PHACTR1: variants seen among roughly 807,000 people sequenced by gnomAD.
PHACTR1 encodes the protein phosphatase and actin regulator 1, also known as RPEL repeat containing 1.
In PHACTR1, 16 loss-of-function variants were observed where a neutral mutation model predicts 69.2. That is an observed-to-expected ratio of 0.23 (90% CI 0.16 to 0.35). PHACTR1 has a LOEUF of 0.35. PHACTR1 is among the 10% of genes least tolerant of loss of function. The pLI is 1.00. For synonymous variants in PHACTR1, 312 were observed against 284.5 expected (o/e 1.10, Z -0.97); for missense variants, 510 against 734.7 (o/e 0.69, Z 3.54).
chr6:13,151,921 A>AGT (rs35038578), intron 5 of PHACTR1, among the ~76,000 whole-genome samples: 72,992 of 150,606 alleles, frequency 0.48, 18,542 homozygotes, highest in East Asian at 0.66. Flanking sequence ...TTTATAAATA[A>AGT]GTGTGTGTGT....
chr6:13,121,651 A>G (rs1217761602), intron 5 of PHACTR1, among the ~76,000 whole-genome samples: 1 of 152,192 alleles, frequency 6.6e-6, no homozygotes, highest in Non-Finnish European at 1.5e-5. Flanking sequence ...CTCAAGGTAC[A>G]TTTTATATGA....
chr6:12,807,152 A>G (rs1774439017), intron 4 of PHACTR1, among the ~76,000 whole-genome samples: 1 of 152,188 alleles, frequency 6.6e-6, no homozygotes, highest in Non-Finnish European at 1.5e-5. Context: ...TAGATTTTTC[A>G]GTGCTTAATT....
At chr6:13,099,896 T>C (rs1466971898) in intron 5 of PHACTR1, among the ~76,000 whole-genome samples, 7 of 152,214 alleles carry the variant, frequency 4.6e-5, no homozygotes, top group African/African-American at 1.7e-4. Context: ...TTGTGAGCCT[T>C]ATGGATGATA....
intron 10 of PHACTR1, among the ~76,000 whole-genome samples, chr6:13,249,797 CAA>C (rs5874406): frequency 0.043 from 3,427 of 79,832 alleles, 109 homozygotes; most frequent in African/African-American, 0.12. Context: ...AACTCCGTCT[CAA>C]AAAAAAAAAA....
intron 10 of PHACTR1, among the ~76,000 whole-genome samples, chr6:13,261,953 T>C (rs559830916): frequency 5.3e-4 from 81 of 152,350 alleles, no homozygotes; most frequent in African/African-American, 1.9e-3. Context: ...GACAGGCAGG[T>C]AGCCAGATCA....
At chr6:13,045,432 A>G (rs921223131) in intron 4 of PHACTR1, among the ~76,000 whole-genome samples, 12 of 152,328 alleles carry the variant, frequency 7.9e-5, no homozygotes, top group South Asian at 6.2e-4. Context: ...TACCTAAGGA[A>G]ACACTGTACC....
intron 7 of PHACTR1, among the ~76,000 whole-genome samples, chr6:13,203,384 A>G (rs1438392668): frequency 6.6e-6 from 1 of 152,230 alleles, no homozygotes; most frequent in Non-Finnish European, 1.5e-5. Context: ...ATCTGTAAAC[A>G]TGAGATAATA....
intron 4 of PHACTR1, among the ~76,000 whole-genome samples, chr6:13,044,452 C>T (rs1804698113): frequency 6.6e-6 from 1 of 152,200 alleles, no homozygotes; most frequent in African/African-American, 2.4e-5. Flanking sequence ...CATTGAGTCT[C>T]ATTGCCTGGC....
At chr6:13,020,388 G>A (rs145070882) in intron 4 of PHACTR1, among the ~76,000 whole-genome samples, 18 of 152,322 alleles carry the variant, frequency 1.2e-4, no homozygotes, top group African/African-American at 2.2e-4. Flanking sequence ...GTGAACTTAC[G>A]TGTGAGTAGA....
chr6:12,749,961 G>A (rs1354042979), intron 4 of PHACTR1, among the ~76,000 whole-genome samples, 171 bp downstream of exon 4: 2 of 152,154 alleles, frequency 1.3e-5, no homozygotes, highest in African/African-American at 4.8e-5. Context: ...CGAGCTACGG[G>A]GTGGGGGAGG....
intron 4 of PHACTR1, among the ~76,000 whole-genome samples, chr6:12,904,534 CAAAA>C (rs544410317): frequency 3.7e-5 from 3 of 80,040 alleles, no homozygotes; most frequent in Admixed American, 1.4e-4. Context: ...AACTCCATCT[CAAAA>C]AAAAAAAAAA....
chr6:12,740,624 A>T (rs1257202609), intron 3 of PHACTR1, among the ~76,000 whole-genome samples: 1 of 152,102 alleles, frequency 6.6e-6, no homozygotes, highest in Non-Finnish European at 1.5e-5. Flanking sequence ...GAGATCTTTT[A>T]CATATTCTGG....
chr6:12,869,291 C>A (rs1781783096), intron 4 of PHACTR1, among the ~76,000 whole-genome samples: 1 of 152,178 alleles, frequency 6.6e-6, no homozygotes, highest in African/African-American at 2.4e-5. Flanking sequence ...CTATTTCCCA[C>A]CCCTAGCACC....
rs1432025574 is a variant in PHACTR1, at chr6:13,133,403, C to T, written c.416-26801C>T. ...CACTGCACCCTCCCTGTCTGATTCT[C>T]CTGCCTCAGCCTGCCGAGTCCCTGG... On this transcript the variant is annotated intron_variant, in intron 5 of 14. Coordinates refer to ENST00000332995, the MANE Select transcript of PHACTR1 (RefSeq NM_030948.6). Among the ~76,000 whole-genome samples, 4 of 151,940 alleles carry T rather than the reference C, an allele frequency of 2.6e-5. No individual in the cohort carries two copies. The Middle Eastern group carries it at 0.014, about 517-fold the overall frequency.
At chr6:13,089,042 C>CT (rs1272011979) in intron 5 of PHACTR1, among the ~76,000 whole-genome samples, 1 of 152,214 alleles carries the variant, frequency 6.6e-6, no homozygotes, top group Non-Finnish European at 1.5e-5. Flanking sequence ...TTCATCTCCT[C>CT]TGTCTCCTTT....
intron 4 of PHACTR1, among the ~76,000 whole-genome samples, chr6:12,829,038 G>A (rs1296348476): frequency 1.3e-5 from 2 of 152,100 alleles, no homozygotes; most frequent in Non-Finnish European, 2.9e-5. Flanking sequence ...CATTATACAC[G>A]TGTATTGAAA....
intron 4 of PHACTR1, among the ~76,000 whole-genome samples, chr6:12,912,500 G>A (rs1002678428): frequency 3.3e-5 from 5 of 152,208 alleles, no homozygotes; most frequent in African/African-American, 1.2e-4. Flanking sequence ...CTAAAGTGAA[G>A]CTATGCTTGG....
chr6:13,053,273 T>C, intron 4 of PHACTR1, 92 bp from the exon 5 acceptor site: 1 of 1,291,252 alleles, frequency 7.7e-7, no homozygotes, highest in Non-Finnish European at 1.1e-6. Context: ...TTCTGTTATC[T>C]GTAACCATGG....
intron 4 of PHACTR1, among the ~76,000 whole-genome samples, chr6:12,935,692 G>A (rs1017221105): frequency 6.6e-6 from 1 of 152,106 alleles, no homozygotes; most frequent in Non-Finnish European, 1.5e-5. Context: ...TAGTGTGGTA[G>A]GGGAGCAGTA....
Sources: allele counts gnomAD v4.1 joint callset (sites outside exome capture counted in the v4.1 genomes callset), GRCh38; gene constraint gnomAD v4.1.1; transcripts MANE v1.5; gene names NCBI Gene and HGNC (gene_info 2026-07-23, HGNC 2026-07-21).